ARMH3: variants seen among roughly 807,000 people sequenced by gnomAD.
The protein encoded by ARMH3 is armadillo like helical domain containing 3.
A neutral mutation model predicts 99.1 loss-of-function variants in ARMH3; 60 were observed. That is an observed-to-expected ratio of 0.61 (90% CI 0.49 to 0.75). ARMH3 has a LOEUF of 0.75. Among genes scored for constraint, ARMH3 ranks in the 30% least tolerant of loss-of-function variants. ARMH3 has a pLI of 0.00. For synonymous variants in ARMH3, 285 were observed against 292.8 expected, an observed-to-expected ratio of 0.97 and a Z score of 0.27; for missense variants, 679 against 843.1, an observed-to-expected ratio of 0.81 and a Z score of 2.41.
intron 1 of ARMH3, among the ~76,000 whole-genome samples, chr10:102,046,906 G>A (rs2067567811): frequency 6.6e-6 from 1 of 152,212 alleles, no homozygotes. Flanking sequence ...ACTGTGAAAT[G>A]TCTAGATATC....
rs2135485092 is a variant in ARMH3 at position 101,898,307 on chromosome 10, G to A, written c.1782-8817C>T. Among the ~76,000 whole-genome samples the A allele has an allele frequency of 1.3e-5, 2 of 151,626 alleles. 1 individual carries two copies. The highest frequency in any genetic ancestry group is 2.9e-5 in the Non-Finnish European group (2 of 67,902). Reference sequence around the variant, plus strand: ...GGATGTCAAGGCTGCAGGGAACCATGATCACACCACTGCGCTCCCTAGCCT... The same window carrying A: ...GGATGTCAAGGCTGCAGGGAACCATAATCACACCACTGCGCTCCCTAGCCT... On this transcript the variant is annotated intron_variant, in intron 23 of 25. Transcript: ENST00000370033.
At chr10:102,029,773 C>T in intron 4 of ARMH3, 28 bp from the exon 5 acceptor site, 1 of 1,600,144 alleles carries the variant, frequency 6.2e-7, no homozygotes, top group African/African-American at 1.3e-5. Flanking sequence ...AGAATTCTTT[C>T]TGGAGAGGAA....
At chr10:101,853,183 G>A (rs1326612001) in intron 24 of ARMH3, among the ~76,000 whole-genome samples, 2 of 151,556 alleles carry the variant, frequency 1.3e-5, no homozygotes, top group Admixed American at 6.6e-5. Flanking sequence ...GAGTCACAGC[G>A]CCCGGCCTTC....
At chr10:101,994,861 A>G (rs927166287) in intron 16 of ARMH3, among the ~76,000 whole-genome samples, 1 of 152,080 alleles carries the variant, frequency 6.6e-6, no homozygotes, top group African/African-American at 2.4e-5. Context: ...ACATGGCAAA[A>G]CCCCATCTCT....
At chr10:101,944,731 T>C (rs1844443587) in intron 22 of ARMH3, among the ~76,000 whole-genome samples, 1 of 151,954 alleles carries the variant, frequency 6.6e-6, no homozygotes, top group African/African-American at 2.4e-5. Flanking sequence ...CAAGAATCGC[T>C]TGAACCCGGG....
intron 1 of ARMH3, among the ~76,000 whole-genome samples, chr10:102,047,684 C>T (rs975012798): frequency 6.6e-6 from 1 of 151,986 alleles, no homozygotes; most frequent in African/African-American, 2.4e-5. Flanking sequence ...AACGAGATTT[C>T]GCCATGTTGC....
chr10:102,010,171 A>C, intron 11 of ARMH3, 148 bp from the exon 12 acceptor site: 1 of 606,684 alleles, frequency 1.6e-6, no homozygotes, highest in South Asian at 2.1e-5. Context: ...ACACACCAAA[A>C]CCAGCCCACT....
intron 23 of ARMH3, among the ~76,000 whole-genome samples, chr10:101,914,864 CAAAAAAAAA>C (rs373264871): frequency 1.5e-5 from 1 of 66,600 alleles, no homozygotes; most frequent in Non-Finnish European, 2.7e-5. Flanking sequence ...AAATCCATCT[CAAAAAAAAA>C]AAAAAAAAAA....
chr10:102,032,633 C>G (rs1394077686), intron 4 of ARMH3, among the ~76,000 whole-genome samples: 1 of 152,096 alleles, frequency 6.6e-6, no homozygotes, highest in Non-Finnish European at 1.5e-5. Context: ...CTCCTGACCT[C>G]AAGTGATCTG....
At position 101,847,573 on chromosome 10, in the gene ARMH3, T is replaced by C; in HGVS notation, c.2025A>G (p.Thr675=). Residue 675 remains threonine (T), a synonymous_variant, in exon 26 of 26, where the codon ACA becomes ACG. Transcript: ENST00000370033. ...TNVRRNLAFH[T]LSQEVLLKEF... ...CCTTGAGCAGGACTTCTTGGCTGAG[T>C]GTGTGGAAGGCCAGGTTTCTCCGGA... is the stretch of plus-strand genomic sequence containing the variant. The C allele has an allele frequency of 6.2e-7, 1 of 1,613,664 alleles. No individual in the cohort carries two copies. Among genetic ancestry groups the C allele is most frequent in the Non-Finnish European group, 8.5e-7 (1 of 1,179,918 alleles).
chr10:101,907,101 CT>C (rs1842661755), intron 23 of ARMH3, among the ~76,000 whole-genome samples: 1 of 152,016 alleles, frequency 6.6e-6, no homozygotes, highest in South Asian at 2.1e-4. Context: ...CAAACTGGTG[CT>C]TTAAATGTCT....
At chr10:102,009,828 A>G in intron 12 of ARMH3, 149 bp downstream of exon 12, 1 of 780,184 alleles carries the variant, frequency 1.3e-6, no homozygotes, top group Non-Finnish European at 2.0e-6. Context: ...AGGGTCCATT[A>G]ATGTTCAAAA....
chr10:102,012,170 ACT>A (rs2066645220), intron 10 of ARMH3, among the ~76,000 whole-genome samples: 1 of 152,170 alleles, frequency 6.6e-6, no homozygotes, highest in African/African-American at 2.4e-5. Context: ...AGTAAACTAA[ACT>A]CTCTGCAGAG....
In ARMH3 at chr10:101,919,363, T is replaced by C. The variant is rs182258950; in HGVS notation, c.1781+20500A>G. ...CAAAGGCAGAGTGACACACATTAGC[T>C]AAGGCTATCTTCATATCTCCTTCTT... On this transcript the variant is annotated intron_variant, in intron 23 of 25. Transcript: ENST00000370033. 1.2e-3 allele frequency among the ~76,000 whole-genome samples: 176 copies of C among 152,270 alleles called. 1 individual carries two copies. Among genetic ancestry groups the C allele is most frequent in the African/African-American group, 3.9e-3 (163 of 41,552 alleles).
chr10:101,923,885 T>A (rs1326252065), intron 23 of ARMH3, among the ~76,000 whole-genome samples: 3 of 152,190 alleles, frequency 2.0e-5, no homozygotes, highest in Admixed American at 2.0e-4. Context: ...CACCCACAGA[T>A]TTCTTCACAA....
intron 18 of ARMH3, 84 bp from the exon 19 acceptor site, chr10:101,990,695 C>T (rs1846751025): frequency 9.8e-7 from 1 of 1,020,054 alleles, no homozygotes. Context: ...CTTCTGAGTA[C>T]ACCTTGCACT....
chr10:101,880,056 AG>A (rs2067372409), intron 24 of ARMH3, among the ~76,000 whole-genome samples: 2 of 152,264 alleles, frequency 1.3e-5, no homozygotes, highest in Non-Finnish European at 2.9e-5. Flanking sequence ...CAAAGAAGGC[AG>A]GGTTGGATGG....
chr10:101,965,326 G>A (rs998865666), intron 20 of ARMH3, among the ~76,000 whole-genome samples: 2 of 152,170 alleles, frequency 1.3e-5, no homozygotes, highest in Non-Finnish European at 2.9e-5. Context: ...ACCATACTAA[G>A]TACAGGGACA....
At chr10:101,898,363 A>C (rs544844023) in intron 23 of ARMH3, among the ~76,000 whole-genome samples, 1 of 151,708 alleles carries the variant, frequency 6.6e-6, no homozygotes, top group African/African-American at 2.4e-5. Flanking sequence ...GTCTTAAGAA[A>C]TAAAAAAAAA....
Sources: gnomAD v4.1 joint callset for allele counts (sites outside exome capture counted in the v4.1 genomes callset) on GRCh38, gnomAD v4.1.1 for gene constraint, MANE v1.5 for transcripts, NCBI Gene and HGNC (gene_info 2026-07-23, HGNC 2026-07-21) for gene names.